ANKRD55: variants seen among roughly 807,000 people sequenced by gnomAD.
ANKRD55 encodes ankyrin repeat domain-containing protein 55.
Under a neutral mutation model 60.6 loss-of-function variants are expected in ANKRD55, and 41 were observed. The ratio of observed to expected loss-of-function variants is 0.68; its 90% confidence interval spans 0.53 to 0.88. ANKRD55 has a LOEUF of 0.88. Among genes scored for constraint, ANKRD55 ranks in the 40% least tolerant of loss-of-function variants. ANKRD55 has a pLI of 0.00. For synonymous variants in ANKRD55, 264 were observed against 290.3 expected, an observed-to-expected ratio of 0.91 and a Z score of 0.92; for missense variants, 732 against 767.6, an observed-to-expected ratio of 0.95 and a Z score of 0.55.
intron 6 of ANKRD55, among the ~76,000 whole-genome samples, chr5:56,157,944 A>G (rs549211132): frequency 2.6e-5 from 4 of 152,196 alleles, no homozygotes; most frequent in African/African-American, 9.6e-5. Flanking sequence ...GTTCACAGGT[A>G]TGGAGGGGCA....
intron 2 of ANKRD55, among the ~76,000 whole-genome samples, chr5:56,204,989 T>C (rs910182660): frequency 1.3e-5 from 2 of 152,254 alleles, no homozygotes; most frequent in Non-Finnish European, 2.9e-5. Flanking sequence ...AGAATGTTCA[T>C]GTTCAGTTGA....
intron 10 of ANKRD55, 62 bp from the exon 11 acceptor site, chr5:56,102,648 C>T: frequency 2.6e-6 from 3 of 1,143,834 alleles, no homozygotes; most frequent in Non-Finnish European, 3.9e-6. Flanking sequence ...TTACAGAATG[C>T]AATGGATAAG....
chr5:56,202,769 T>C (rs1759409691), intron 2 of ANKRD55, among the ~76,000 whole-genome samples: 1 of 152,128 alleles, frequency 6.6e-6, no homozygotes, highest in South Asian at 2.1e-4. Flanking sequence ...ATGCAACACA[T>C]GTTGTGTTTC....
rs751421163 is a variant in ANKRD55 at position 56,111,666 on chromosome 5, T to C, written c.1082A>G (p.His361Arg). ...CKNKKEEQRA[H>R]QKDPSRDRYR... ...TCGGTCCCTGCTGGGATCCTTCTGATGGGCTCTCTGCTCTTCTTTCTTGTT... is the reference window on the plus strand; with the variant it reads ...TCGGTCCCTGCTGGGATCCTTCTGACGGGCTCTCTGCTCTTCTTTCTTGTT... The change falls in exon 10 of 12, where the codon CAT (histidine) becomes CGT (arginine). Residue 361 changes from histidine (H) to arginine (R), a missense_variant. By Grantham distance (29) the His-to-Arg change is conservative (BLOSUM62 0). This residue lies in a region of ANKRD55 where 597 missense variants were observed against 607.5 expected (regional missense o/e 0.98). Transcript: ENST00000341048. The C allele has an allele frequency of 5.9e-6, 9 of 1,529,556 alleles. No homozygotes were observed. Among genetic ancestry groups the C allele is most frequent in the Non-Finnish European group, 7.0e-6 (8 of 1,144,064 alleles). The allele number at this position is 1,529,556 out of a possible 1,614,324, so 94.7% of individuals were successfully genotyped here. A position where few individuals can be genotyped will look rare whatever the true frequency, so the allele number is the denominator to read the frequency against.
chr5:56,104,133 C>T lies in ANKRD55; in HGVS notation c.1631-1547G>A, dbSNP rs558260140. 6.6e-5 allele frequency among the ~76,000 whole-genome samples: 10 copies of T among 152,166 alleles called. No individual in the cohort carries two copies. In the South Asian group the frequency reaches 2.1e-3, roughly 32 times the overall value. ...ACACTTGAGCAGAAATTTGTAAAACCAACGAGATAATAATTTTGAGTTATG... is the reference window on the plus strand; with the variant it reads ...ACACTTGAGCAGAAATTTGTAAAACTAACGAGATAATAATTTTGAGTTATG... On this transcript the variant is annotated intron_variant, in intron 10 of 11. Transcript: ENST00000341048.
chr5:56,160,301 C>T (rs1297716353), intron 5 of ANKRD55, among the ~76,000 whole-genome samples: 5 of 152,208 alleles, frequency 3.3e-5, no homozygotes, highest in African/African-American at 4.8e-5. Context: ...TGCAGTGGCA[C>T]GAACTTGGCT....
intron 2 of ANKRD55, among the ~76,000 whole-genome samples, chr5:56,190,004 A>T (rs914918929): frequency 5.9e-5 from 9 of 152,040 alleles, no homozygotes; most frequent in Non-Finnish European, 5.9e-5. Context: ...TTTGGGTTTT[A>T]AAAAAAATAA....
At chr5:56,143,997 C>A (rs546927585) in intron 6 of ANKRD55, 68 bp from the exon 7 acceptor site, 1 of 1,604,692 alleles carries the variant, frequency 6.2e-7, no homozygotes, top group African/African-American at 1.3e-5. Context: ...GGAGCTCACA[C>A]TTTCTCCTCA....
intron 5 of ANKRD55, among the ~76,000 whole-genome samples, chr5:56,163,532 G>A (rs1279394339): frequency 6.6e-6 from 1 of 152,112 alleles, no homozygotes; most frequent in Non-Finnish European, 1.5e-5. Flanking sequence ...CATCTCAGGT[G>A]CCAGTACAGC....
intron 6 of ANKRD55, 144 bp from the exon 7 acceptor site, chr5:56,144,073 C>T (rs1757839354): frequency 9.3e-7 from 1 of 1,078,384 alleles, no homozygotes; most frequent in Admixed American, 2.1e-5. Flanking sequence ...TTCATTAATC[C>T]ATTCATTCCA....
intron 2 of ANKRD55, among the ~76,000 whole-genome samples, chr5:56,213,350 A>G (rs1451192185): frequency 6.6e-6 from 1 of 152,196 alleles, no homozygotes; most frequent in Non-Finnish European, 1.5e-5. Context: ...CATTGGTTAC[A>G]TTATTTTGCT....
intron 10 of ANKRD55, among the ~76,000 whole-genome samples, chr5:56,105,944 C>T (rs182635289): frequency 1.3e-5 from 2 of 152,352 alleles, no homozygotes; most frequent in East Asian, 3.9e-4. Flanking sequence ...ACAGAGCTTT[C>T]TGTTCCATTT....
chr5:56,185,171 C>T (rs59713010), intron 2 of ANKRD55, among the ~76,000 whole-genome samples: 13,868 of 151,532 alleles, frequency 0.092, 1,070 homozygotes, highest in African/African-American at 0.21. Context: ...TGCAGTGAGC[C>T]GAGATTGCAC....
At chr5:56,188,357 C>A (rs1433409180) in intron 2 of ANKRD55, among the ~76,000 whole-genome samples, 2 of 134,406 alleles carry the variant, frequency 1.5e-5, no homozygotes, top group Admixed American at 1.4e-4. Context: ...AACCCCGCCA[C>A]CCCCCTACAA....
At chr5:56,140,881 G>A (rs543369360) in intron 7 of ANKRD55, among the ~76,000 whole-genome samples, 1 of 152,164 alleles carries the variant, frequency 6.6e-6, no homozygotes, top group East Asian at 1.9e-4. Flanking sequence ...TGACCCATGT[G>A]GTGAAACCCC....
intron 11 of ANKRD55, among the ~76,000 whole-genome samples, chr5:56,100,736 T>A (rs1048010165): frequency 6.6e-5 from 10 of 152,212 alleles, no homozygotes; most frequent in African/African-American, 2.4e-4. Flanking sequence ...TTTGTAGAGC[T>A]AAGTTGATCA....
At chr5:56,202,323 A>G (rs530394344) in intron 2 of ANKRD55, among the ~76,000 whole-genome samples, 17 of 152,306 alleles carry the variant, frequency 1.1e-4, no homozygotes, top group African/African-American at 4.1e-4. Flanking sequence ...TAAAGAAAAA[A>G]AAAAACAAAG....
At chr5:56,117,172 C>T (rs1043134514) in intron 8 of ANKRD55, among the ~76,000 whole-genome samples, 4 of 152,250 alleles carry the variant, frequency 2.6e-5, no homozygotes, top group Non-Finnish European at 5.9e-5. Flanking sequence ...TTGTCACTAA[C>T]TTTAAAAATC....
chr5:56,173,628 G>A (rs1286514512), intron 4 of ANKRD55, among the ~76,000 whole-genome samples: 6 of 100,112 alleles, frequency 6.0e-5, no homozygotes, highest in African/African-American at 2.3e-4. Flanking sequence ...CACAACTTCC[G>A]CCTCCTCCTG....
Sources: allele counts gnomAD v4.1 joint callset (sites outside exome capture counted in the v4.1 genomes callset), GRCh38; gene constraint gnomAD v4.1.1; regional missense constraint gnomAD v4.1.1; transcripts MANE v1.5; gene names NCBI Gene and HGNC (gene_info 2026-07-23, HGNC 2026-07-21).